Variants in TRAF3IP1 observed in about 807,000 individuals in gnomAD.
The protein encoded by TRAF3IP1 is TRAF3-interacting protein 1.
Under a neutral mutation model 89.9 loss-of-function variants are expected in TRAF3IP1, and 53 were observed. The observed-to-expected ratio is 0.59, with a 90% confidence interval of 0.47 to 0.74. TRAF3IP1 has a LOEUF of 0.74. Ranked by LOEUF, TRAF3IP1 falls within the 30% of genes least tolerant of loss-of-function variation. The pLI, the probability that TRAF3IP1 is intolerant of heterozygous loss-of-function variation, is 0.00. For missense variants in TRAF3IP1, 806 were observed against 866.1 expected (o/e 0.93, Z 0.87); for synonymous variants, 311 against 322.1 (o/e 0.97, Z 0.37).
chr2:238,396,844 C>T (rs532656042), intron 15 of TRAF3IP1, among the ~76,000 whole-genome samples: 3 of 152,326 alleles, frequency 2.0e-5, no homozygotes, highest in Admixed American at 1.3e-4. Flanking sequence ...AGCACAGTCA[C>T]GTCTAAGTCG....
chr2:238,369,383 C>T (rs1047843327), intron 15 of TRAF3IP1, among the ~76,000 whole-genome samples: 4 of 152,296 alleles, frequency 2.6e-5, no homozygotes, highest in Middle Eastern at 3.4e-3. Context: ...GTCTTCCATG[C>T]GGGAGCTTTC....
rs759756954 is a variant in TRAF3IP1, at chr2:238,328,693, G to C, written c.362G>C (p.Ser121Thr). 5 of 1,613,614 alleles carry C rather than the reference G, an allele frequency of 3.1e-6. No homozygotes were observed. The African/African-American group carries it at 6.7e-5, about 22-fold the overall frequency. ...IGKCCLNKLS[S>T]DDAVRRVLAG... ...TTCCATTTGGACGACAAGCTCTCTAGTGACGATGCGGTGCGGAGGGTTTTA... is the reference window on the plus strand; with the variant it reads ...TTCCATTTGGACGACAAGCTCTCTACTGACGATGCGGTGCGGAGGGTTTTA... The change falls in exon 4 of 17, where the codon AGT (serine) becomes ACT (threonine). Residue 121 changes from serine (S) to threonine (T), a missense_variant. By Grantham distance (58) the Ser-to-Thr change is moderately conservative (BLOSUM62 1). This residue lies in a region of TRAF3IP1 where 732 missense variants were observed against 780.5 expected (regional missense o/e 0.94). Coordinates refer to ENST00000373327, the MANE Select transcript of TRAF3IP1 (RefSeq NM_015650.4).
chr2:238,360,649 C>T (rs1010150114), intron 15 of TRAF3IP1, among the ~76,000 whole-genome samples: 15 of 152,114 alleles, frequency 9.9e-5, no homozygotes, highest in Admixed American at 4.6e-4. Context: ...TTTAGGAGGC[C>T]GAGGCAGGCA....
chr2:238,334,518 T>C (rs961109375), intron 7 of TRAF3IP1, among the ~76,000 whole-genome samples: 12 of 152,242 alleles, frequency 7.9e-5, no homozygotes, highest in Non-Finnish European at 1.5e-4. Flanking sequence ...TAGTACCTTA[T>C]CATCTTGCCT....
At chr2:238,340,893 T>C (rs1348117508) in intron 8 of TRAF3IP1, among the ~76,000 whole-genome samples, 2 of 152,058 alleles carry the variant, frequency 1.3e-5, no homozygotes, top group Non-Finnish European at 2.9e-5. Flanking sequence ...AGTCTCACTC[T>C]GTTGCTCAGG....
chr2:238,328,744 G>A lies in TRAF3IP1; in HGVS notation c.413G>A (p.Gly138Asp), dbSNP rs1559355316. ...VLAGEKGEVK[G>D]RASLTSRSQE... is the part of the protein sequence containing the mutation. Reference sequence around the variant, plus strand: ...GCTGGAGAGAAGGGAGAAGTGAAAGGCCGGGCCTCACTGACCTCAAGATCT... The same window carrying A: ...GCTGGAGAGAAGGGAGAAGTGAAAGACCGGGCCTCACTGACCTCAAGATCT... The change falls in exon 4 of 17, where the codon GGC becomes GAC. Residue 138 changes from glycine to aspartate, a missense_variant. Around this residue, in one of 3 missense-constraint regions of TRAF3IP1, gnomAD observed 732 missense variants for 780.5 expected, o/e 0.94. Transcript: ENST00000373327. The A allele has an allele frequency of 6.2e-7, 1 of 1,614,020 alleles. No individual in the cohort carries two copies. Among genetic ancestry groups the A allele is most frequent in the South Asian group, 1.1e-5 (1 of 91,076 alleles).
chr2:238,361,428 A>T (rs986309005), intron 15 of TRAF3IP1, among the ~76,000 whole-genome samples: 1 of 151,758 alleles, frequency 6.6e-6, no homozygotes, highest in African/African-American at 2.4e-5. Flanking sequence ...GTGCAGTTAT[A>T]CTTTATTTTT....
At position 238,400,742 on chromosome 2, in the gene TRAF3IP1, A is replaced by C. The variant is rs1355705278; in HGVS notation, c.*1823A>C. ...CTTCAAGTTGAGATGTCTGCCTTTT[A>C]TGAATTTGTATATGTGAATAGAGTT... On this transcript the variant is annotated 3_prime_UTR_variant, in exon 17 of 17. Coordinates refer to ENST00000373327, the MANE Select transcript of TRAF3IP1 (RefSeq NM_015650.4). The C allele has an allele frequency of 1.3e-5, 2 of 152,314 alleles. No individual in the cohort carries two copies. Among genetic ancestry groups the C allele is most frequent in the South Asian group, 4.1e-4 (2 of 4,826 alleles). The allele number at this position is 152,314 out of a possible 1,614,324, so 9.4% of individuals were successfully genotyped here. A position where few individuals can be genotyped will look rare whatever the true frequency, so the allele number is the denominator to read the frequency against.
chr2:238,371,814 T>C (rs1036966259), intron 15 of TRAF3IP1, among the ~76,000 whole-genome samples: 10 of 152,382 alleles, frequency 6.6e-5, no homozygotes, highest in Admixed American at 3.9e-4. Context: ...ATAAAATTTA[T>C]TGAAACTAAT....
chr2:238,326,524 C>G (rs6431594), intron 3 of TRAF3IP1, among the ~76,000 whole-genome samples: 17,708 of 151,918 alleles, frequency 0.12, 1,760 homozygotes, highest in African/African-American at 0.27. Flanking sequence ...CTTTCTTGAG[C>G]TTTTCACTGT....
chr2:238,325,500 C>T (rs554062945), intron 2 of TRAF3IP1, 126 bp downstream of exon 2: 57 of 940,632 alleles, frequency 6.1e-5, no homozygotes, highest in East Asian at 6.0e-4. Context: ...TCAGTGAATT[C>T]GTAAATTGAT....
intron 1 of TRAF3IP1, among the ~76,000 whole-genome samples, chr2:238,324,035 G>A (rs1697688655): frequency 6.6e-6 from 1 of 152,174 alleles, no homozygotes; most frequent in African/African-American, 2.4e-5. Context: ...AGAACTTCTA[G>A]TCTTAGCAAA....
At chr2:238,339,072 G>A (rs1332645246) in intron 8 of TRAF3IP1, among the ~76,000 whole-genome samples, 2 of 152,310 alleles carry the variant, frequency 1.3e-5, no homozygotes, top group East Asian at 3.9e-4. Flanking sequence ...TAGGGGAAGA[G>A]GAAATTTTTG....
At chr2:238,383,082 G>A (rs940331903) in intron 15 of TRAF3IP1, among the ~76,000 whole-genome samples, 13 of 152,042 alleles carry the variant, frequency 8.6e-5, no homozygotes, top group African/African-American at 1.9e-4. Context: ...CTTGGCTTCC[G>A]GAACCTGCTG....
rs139285182 is a variant in TRAF3IP1, at chr2:238,381,763, C to G, written c.1690-15696C>G. Among the ~76,000 whole-genome samples, 97 of 152,270 alleles carry G rather than the reference C, an allele frequency of 6.4e-4. No homozygotes were observed. In the South Asian group the frequency reaches 0.01, roughly 16 times the overall value. ...AAGCACCTCACGTGAGCAGAACTGA[C>G]GGGGACCTTTGAGGAAAGCTCATCG... On this transcript the variant is annotated intron_variant, in intron 15 of 16. Coordinates refer to ENST00000373327, the MANE Select transcript of TRAF3IP1 (RefSeq NM_015650.4).
In TRAF3IP1 at chr2:238,332,862, T is replaced by G; in HGVS notation, c.954T>G (p.Asp318Glu). The G allele has an allele frequency of 6.2e-7, 1 of 1,613,426 alleles. No homozygotes were observed. The highest frequency in any genetic ancestry group is 8.5e-7 in the Non-Finnish European group (1 of 1,179,584). Residue 318 changes from aspartate to glutamate, a missense_variant, in exon 6 of 17, where the codon GAT becomes GAG. Physicochemically the swap from Asp to Glu is conservative, Grantham distance 45 (BLOSUM62 2). Transcript: ENST00000373327. ...SSGEMSKKLSDGTFKDSKAET... is the reference protein window; with the variant it reads ...SSGEMSKKLSEGTFKDSKAET... ...GGGAGATGTCTAAAAAGTTATCAGA[T>G]GGAACTTTTAAAGACTCCAAGGCTG...
intron 15 of TRAF3IP1, among the ~76,000 whole-genome samples, chr2:238,366,297 G>A (rs1407789584): frequency 6.6e-6 from 1 of 152,078 alleles, no homozygotes; most frequent in Non-Finnish European, 1.5e-5. Flanking sequence ...TATGCCATGG[G>A]TGTATTATAG....
In TRAF3IP1 at chr2:238,388,836, G is replaced by C. The variant is rs545333420; in HGVS notation, c.1690-8623G>C. 2.6e-5 allele frequency among the ~76,000 whole-genome samples: 4 copies of C among 151,976 alleles called. No homozygotes were observed. In the East Asian group the frequency reaches 7.7e-4, roughly 29 times the overall value. On this transcript the variant is annotated intron_variant, in intron 15 of 16. Coordinates refer to ENST00000373327, the MANE Select transcript of TRAF3IP1 (RefSeq NM_015650.4). ...TTTTATAGAGATGGAGTTTCACCAC[G>C]TTGTCCAGGCTGGTTTCAAACTCCT...
intron 2 of TRAF3IP1, 58 bp downstream of exon 2, chr2:238,325,432 G>C: frequency 6.4e-7 from 1 of 1,552,636 alleles, no homozygotes; most frequent in Non-Finnish European, 8.9e-7. Flanking sequence ...GGGATTTTTT[G>C]TAGGCCTGGT....
Sources: allele counts gnomAD v4.1 joint callset (sites outside exome capture counted in the v4.1 genomes callset), GRCh38; gene constraint gnomAD v4.1.1; regional missense constraint gnomAD v4.1.1; transcripts MANE v1.5; gene names NCBI Gene and HGNC (gene_info 2026-07-23, HGNC 2026-07-21).